The following DLG2 variants were observed in gnomAD, a reference collection of about 807,000 sequenced individuals.
DLG2 encodes discs large MAGUK scaffold protein 2, also known as disks large homolog 2.
A neutral mutation model predicts 132.5 loss-of-function variants in DLG2; 45 were observed. The ratio of observed to expected loss-of-function variants is 0.34; its 90% CI spans 0.27 to 0.44. The LOEUF (loss-of-function observed/expected upper bound fraction) is 0.44. Among genes scored for constraint, DLG2 ranks in the 20% least tolerant of loss-of-function variants. The pLI, the probability that DLG2 is intolerant of heterozygous loss-of-function variation, is 1.00. For missense variants in DLG2, 1,045 were observed against 1,196.9 expected (o/e 0.87, Z 1.87); for synonymous variants, 424 against 419.6 (o/e 1.01, Z -0.13).
intron 11 of DLG2, among the ~76,000 whole-genome samples, chr11:84,024,155 C>A (rs939893831): frequency 6.6e-6 from 1 of 152,072 alleles, no homozygotes; most frequent in African/African-American, 2.4e-5. Flanking sequence ...ACATGCTTTC[C>A]TGCAAAGAGA....
intron 5 of DLG2, among the ~76,000 whole-genome samples, chr11:85,142,495 C>CAT (rs2076560857): frequency 6.6e-6 from 1 of 151,692 alleles, no homozygotes; most frequent in African/African-American, 2.4e-5. Context: ...AATAGAAGAT[C>CAT]ATATCAGCTA....
chr11:85,171,124 G>A (rs1034527017), intron 4 of DLG2, among the ~76,000 whole-genome samples: 1 of 152,176 alleles, frequency 6.6e-6, no homozygotes, highest in Non-Finnish European at 1.5e-5. Context: ...TGCCAGATAA[G>A]ATAGCCAATT....
At chr11:84,901,244 G>A (rs932833112) in intron 6 of DLG2, among the ~76,000 whole-genome samples, 9 of 152,090 alleles carry the variant, frequency 5.9e-5, no homozygotes, top group African/African-American at 2.2e-4. Context: ...AGCAACTAGA[G>A]TAGTAGTCAT....
intron 14 of DLG2, among the ~76,000 whole-genome samples, chr11:83,956,826 A>C (rs1241561294): frequency 1.3e-5 from 2 of 152,220 alleles, no homozygotes; most frequent in Non-Finnish European, 2.9e-5. Context: ...GGGTACCATA[A>C]ACCTTGAGCC....
At chr11:83,737,035 C>T (rs980606213) in intron 18 of DLG2, among the ~76,000 whole-genome samples, 5 of 152,116 alleles carry the variant, frequency 3.3e-5, no homozygotes, top group African/African-American at 1.2e-4. Flanking sequence ...ATACAAAAAT[C>T]TCATTTTGTA....
chr11:83,706,171 T>A (rs2083936362), intron 18 of DLG2, among the ~76,000 whole-genome samples: 2 of 149,646 alleles, frequency 1.3e-5, no homozygotes. Context: ...TGAGCTGAGA[T>A]CGCGCCACTG....
chr11:83,879,538 C>A (rs2065621936), intron 15 of DLG2, among the ~76,000 whole-genome samples: 1 of 152,042 alleles, frequency 6.6e-6, no homozygotes, highest in Non-Finnish European at 1.5e-5. Context: ...TAATATAGCG[C>A]ATGCATTAAA....
intron 7 of DLG2, among the ~76,000 whole-genome samples, chr11:84,306,428 C>T (rs1211484234): frequency 6.6e-6 from 1 of 152,068 alleles, no homozygotes; most frequent in Non-Finnish European, 1.5e-5. Flanking sequence ...CTAAAATCAG[C>T]ATTATGTTTT....
In DLG2 at chr11:84,673,237, C is replaced by G. The variant is rs539882276; in HGVS notation, c.358-138506G>C. ...AAGGAGCCTGACAATCATGGAGCTG[C>G]CTTCCTCTAAATGTATTTTACATAA... On this transcript the variant is annotated intron_variant, in intron 6 of 27. Coordinates refer to ENST00000376104, the MANE Select transcript of DLG2 (RefSeq NM_001142699.3). Among the ~76,000 whole-genome samples, 4 of 152,160 alleles carry G rather than the reference C, an allele frequency of 2.6e-5. No homozygotes were observed. In the South Asian group the frequency reaches 8.3e-4, roughly 32 times the overall value.
chr11:84,125,720 C>T (rs1392155302), intron 9 of DLG2, among the ~76,000 whole-genome samples: 1 of 152,204 alleles, frequency 6.6e-6, no homozygotes, highest in Non-Finnish European at 1.5e-5. Context: ...GCTACAGGTT[C>T]CTATCACCAT....
At chr11:83,881,103 A>G (rs1366702928) in intron 15 of DLG2, among the ~76,000 whole-genome samples, 1 of 152,202 alleles carries the variant, frequency 6.6e-6, no homozygotes. Context: ...TTTAAACTGC[A>G]GAATGTAGAA....
chr11:84,446,560 T>C (rs920408386), intron 7 of DLG2, among the ~76,000 whole-genome samples: 15 of 144,976 alleles, frequency 1.0e-4, no homozygotes, highest in Admixed American at 8.9e-4. Context: ...CAGTTTCATA[T>C]CAATTTTTTT....
At chr11:83,525,053 G>A (rs1764966080) in intron 21 of DLG2, among the ~76,000 whole-genome samples, 1 of 152,198 alleles carries the variant, frequency 6.6e-6, no homozygotes, top group South Asian at 2.1e-4. Context: ...AAGGAATGTA[G>A]TTTATTCTCC....
At chr11:84,727,704 C>T (rs1265124554) in intron 6 of DLG2, among the ~76,000 whole-genome samples, 1 of 151,936 alleles carries the variant, frequency 6.6e-6, no homozygotes, top group Non-Finnish European at 1.5e-5. Flanking sequence ...GGCCATTTTC[C>T]CAATATTGAT....
chr11:85,147,564 T>C (rs2076949337), intron 5 of DLG2, among the ~76,000 whole-genome samples: 1 of 152,190 alleles, frequency 6.6e-6, no homozygotes, highest in Admixed American at 6.5e-5. Context: ...GACTTGCAAA[T>C]AACCATTAAC....
At chr11:84,074,479 C>CAACAA (rs1347002381) in intron 10 of DLG2, among the ~76,000 whole-genome samples, 7 of 152,052 alleles carry the variant, frequency 4.6e-5, no homozygotes, top group Non-Finnish European at 1.0e-4. Flanking sequence ...CTCACGGGTT[C>CAACAA]CACTCCTGTT....
At chr11:84,275,853 C>T (rs938250413) in intron 7 of DLG2, among the ~76,000 whole-genome samples, 1 of 152,126 alleles carries the variant, frequency 6.6e-6, no homozygotes, top group African/African-American at 2.4e-5. Flanking sequence ...CCATGGTGGA[C>T]ATTAGGGCAG....
At chr11:85,206,036 A>G (rs528945835) in intron 4 of DLG2, among the ~76,000 whole-genome samples, 7 of 152,170 alleles carry the variant, frequency 4.6e-5, no homozygotes, top group African/African-American at 1.7e-4. Context: ...GTGGGAGGTG[A>G]TTTGATCATG....
At chr11:84,359,736 C>A (rs2098638627) in intron 7 of DLG2, among the ~76,000 whole-genome samples, 1 of 151,666 alleles carries the variant, frequency 6.6e-6, no homozygotes, top group Non-Finnish European at 1.5e-5. Context: ...AAAATGTCAT[C>A]CTTTCTTCTT....
Sources: allele counts gnomAD v4.1 joint callset (sites outside exome capture counted in the v4.1 genomes callset), GRCh38; gene constraint gnomAD v4.1.1; transcripts MANE v1.5; gene names NCBI Gene and HGNC (gene_info 2026-07-23, HGNC 2026-07-21).